SPATS2: variants seen among roughly 807,000 people sequenced by gnomAD.
SPATS2 encodes spermatogenesis-associated serine-rich protein 2.
SPATS2 carries 38 observed loss-of-function variants against 63.7 expected under a neutral mutation model. The observed-to-expected ratio is 0.60, with a 90% CI of 0.46 to 0.78. The LOEUF (loss-of-function observed/expected upper bound fraction) is 0.78. Ranked by LOEUF, SPATS2 falls within the 30% of genes least tolerant of loss-of-function variation. SPATS2 has a pLI of 0.00. For synonymous variants in SPATS2, 207 were observed against 232.9 expected, an observed-to-expected ratio of 0.89 and a Z score of 1.01; for missense variants, 588 against 666.2, an observed-to-expected ratio of 0.88 and a Z score of 1.29.
rs910210743 is a variant in SPATS2, at chr12:49,526,787, T to C, written c.*532T>C. On this transcript the variant is annotated 3_prime_UTR_variant, in exon 14 of 14. Transcript: ENST00000552918. Reference sequence around the variant, plus strand: ...CTCTATCCCAGAATGTGCTGGAGATTTGACACTCAAATCAGTGTTTAGTCT... The same window carrying C: ...CTCTATCCCAGAATGTGCTGGAGATCTGACACTCAAATCAGTGTTTAGTCT... 6.5e-6 allele frequency: 1 copy of C among 153,690 alleles called. No individual in the cohort carries two copies. Among genetic ancestry groups the C allele is most frequent in the Non-Finnish European group, 1.4e-5 (1 of 69,118 alleles). 9.5% of individuals were successfully genotyped at this position (153,690 alleles called of 1,614,324 possible). A position where few individuals can be genotyped will look rare whatever the true frequency, so the allele number is the denominator to read the frequency against.
At chr12:49,487,941 A>G (rs1170224793) in intron 4 of SPATS2, among the ~76,000 whole-genome samples, 1 of 152,288 alleles carries the variant, frequency 6.6e-6, no homozygotes, top group South Asian at 2.1e-4. Context: ...ACAGTTACCT[A>G]TTAATAGTTC....
chr12:49,505,106 G>A (rs1405538764), intron 9 of SPATS2, among the ~76,000 whole-genome samples: 9 of 151,558 alleles, frequency 5.9e-5, no homozygotes, highest in Non-Finnish European at 1.3e-4. Flanking sequence ...TAGTCTTACC[G>A]AAGGCTTTTA....
At chr12:49,447,176 C>A (rs557410495) in intron 2 of SPATS2, among the ~76,000 whole-genome samples, 1 of 152,190 alleles carries the variant, frequency 6.6e-6, no homozygotes, top group South Asian at 2.1e-4. Flanking sequence ...GTGATCCACC[C>A]GCCTTGGCCT....
chr12:49,414,836 C>T (rs1458125853), intron 2 of SPATS2, among the ~76,000 whole-genome samples: 2 of 151,832 alleles, frequency 1.3e-5, no homozygotes, highest in Non-Finnish European at 2.9e-5. Flanking sequence ...TGGCCTCAAG[C>T]GATCCTCCTA....
At chr12:49,452,953 C>T (rs765152295) in intron 2 of SPATS2, among the ~76,000 whole-genome samples, 3 of 151,652 alleles carry the variant, frequency 2.0e-5, no homozygotes, top group African/African-American at 4.8e-5. Flanking sequence ...GTCAGGAGAT[C>T]GAGACCATCC....
At position 49,496,851 on chromosome 12, in the gene SPATS2, G is replaced by T. The variant is rs978682759; in HGVS notation, c.545G>T (p.Gly182Val). ...LDRTGSMLQN[G>V]VSDFETKSLT... ...TGGACAGGATCCATGCTGCAGAATG[G>T]TGTCTCTGATTTTGAGACCAAGTCT... Residue 182 changes from glycine (G) to valine (V), a missense_variant, in exon 8 of 14, where the codon GGT (glycine) becomes GTT (valine). By Grantham distance (109) the Gly-to-Val change is moderately radical. Coordinates refer to ENST00000552918, the MANE Select transcript of SPATS2 (RefSeq NM_023071.4). 6.2e-7 allele frequency: 1 copy of T among 1,614,044 alleles called. No homozygotes were observed. The highest frequency in any genetic ancestry group is 1.7e-5 in the Admixed American group (1 of 60,004).
At chr12:49,429,835 C>G (rs972372381) in intron 2 of SPATS2, among the ~76,000 whole-genome samples, 17 of 145,384 alleles carry the variant, frequency 1.2e-4, no homozygotes, top group Admixed American at 2.1e-4. Context: ...GGCTGGAGTT[C>G]AGTGGCATGA....
chr12:49,501,554 C>T (rs550609587), intron 9 of SPATS2, among the ~76,000 whole-genome samples: 2 of 152,180 alleles, frequency 1.3e-5, no homozygotes, highest in Non-Finnish European at 2.9e-5. Context: ...CTAATGTTTC[C>T]TGGAACACTG....
upstream of SPATS2, chr12:49,367,005 G>C (rs1035989179): frequency 1.3e-5 from 2 of 152,138 alleles, no homozygotes; most frequent in African/African-American, 4.8e-5. Flanking sequence ...CTCTCCCCGA[G>C]TCTCTTCCTT....
At chr12:49,446,486 T>C (rs947251634) in intron 2 of SPATS2, among the ~76,000 whole-genome samples, 3 of 152,226 alleles carry the variant, frequency 2.0e-5, no homozygotes, top group Non-Finnish European at 1.5e-5. Flanking sequence ...TGCAGTTCCA[T>C]GTGGCTGTAG....
intron 6 of SPATS2, among the ~76,000 whole-genome samples, chr12:49,492,878 T>C (rs1188286959): frequency 6.6e-6 from 1 of 151,890 alleles, no homozygotes; most frequent in Admixed American, 6.6e-5. Context: ...GGTGGATCAC[T>C]GGAGGTCAGG....
chr12:49,438,852 C>T (rs949420928), intron 2 of SPATS2, among the ~76,000 whole-genome samples: 3 of 152,040 alleles, frequency 2.0e-5, no homozygotes, highest in African/African-American at 4.8e-5. Context: ...GCTATGTGCC[C>T]GGTATAGTTC....
At chr12:49,433,256 A>G (rs2137493308) in intron 2 of SPATS2, among the ~76,000 whole-genome samples, 1 of 152,238 alleles carries the variant, frequency 6.6e-6, no homozygotes, top group South Asian at 2.1e-4. Context: ...TCCGCCTCCC[A>G]GGTTCAAGCG....
chr12:49,402,058 C>T (rs1944614788), intron 2 of SPATS2, among the ~76,000 whole-genome samples: 1 of 152,214 alleles, frequency 6.6e-6, no homozygotes, highest in South Asian at 2.1e-4. Context: ...CTCATCGCAG[C>T]CTTGACCTCT....
chr12:49,375,569 A>C (rs1944085736), intron 2 of SPATS2, among the ~76,000 whole-genome samples: 1 of 152,182 alleles, frequency 6.6e-6, no homozygotes, highest in South Asian at 2.1e-4. Context: ...TGTGTGGCAG[A>C]AGTGACTCTT....
intron 2 of SPATS2, among the ~76,000 whole-genome samples, chr12:49,386,505 TTTATTTCCTCCA>T (rs1229153180): frequency 6.6e-6 from 1 of 152,152 alleles, no homozygotes; most frequent in Admixed American, 6.5e-5. Context: ...GTCAGTATGG[TTTATTTCCTCCA>T]GCCATATTCA....
chr12:49,368,517 C>G (rs577217123), intron 1 of SPATS2, among the ~76,000 whole-genome samples: 1 of 152,232 alleles, frequency 6.6e-6, no homozygotes, highest in East Asian at 1.9e-4. Flanking sequence ...ATTAAGTTAC[C>G]TGTACTTTGT....
intron 7 of SPATS2, among the ~76,000 whole-genome samples, chr12:49,496,510 G>T (rs1240109169): frequency 6.6e-6 from 1 of 152,064 alleles, no homozygotes; most frequent in Non-Finnish European, 1.5e-5. Context: ...GACTTTCTTT[G>T]ATTCCTTGTG....
chr12:49,385,777 GC>G (rs1387041185), intron 2 of SPATS2, among the ~76,000 whole-genome samples: 1 of 152,074 alleles, frequency 6.6e-6, no homozygotes, highest in African/African-American at 2.4e-5. Flanking sequence ...TTGTGTGATT[GC>G]CAGGGAGCAT....
Sources: allele counts gnomAD v4.1 joint callset (sites outside exome capture counted in the v4.1 genomes callset), GRCh38; gene constraint gnomAD v4.1.1; transcripts MANE v1.5; gene names NCBI Gene and HGNC (gene_info 2026-07-23, HGNC 2026-07-21).